Variants in SNTB2 observed in about 807,000 individuals in gnomAD.
SNTB2 encodes beta-2-syntrophin.
In SNTB2, 34 loss-of-function variants were observed where a neutral mutation model predicts 46.2. That is an observed-to-expected ratio of 0.74 (90% CI 0.56 to 0.98). The LOEUF (loss-of-function observed/expected upper bound fraction) is 0.98. Ranked by LOEUF, SNTB2 falls within the 50% of genes least tolerant of loss-of-function variation. The pLI is 0.00. For missense variants in SNTB2, 603 were observed against 731.4 expected, an observed-to-expected ratio of 0.82 and a Z score of 2.02; for synonymous variants, 290 against 312.6, an observed-to-expected ratio of 0.93 and a Z score of 0.76.
intron 1 of SNTB2, among the ~76,000 whole-genome samples, chr16:69,188,998 AG>A (rs1319533107): frequency 6.6e-6 from 1 of 152,172 alleles, no homozygotes; most frequent in Non-Finnish European, 1.5e-5. Flanking sequence ...GAAGGACAGA[AG>A]GGAAGGGCTG....
chr16:69,242,529 T>C (rs1964627698), intron 1 of SNTB2, among the ~76,000 whole-genome samples: 2 of 152,208 alleles, frequency 1.3e-5, no homozygotes, highest in Non-Finnish European at 2.9e-5. Flanking sequence ...AAATTTTAAA[T>C]ATACAGAACA....
chr16:69,232,502 CTTTTTTTT>C (rs1032986410), intron 1 of SNTB2, among the ~76,000 whole-genome samples: 3 of 63,860 alleles, frequency 4.7e-5, no homozygotes, highest in Non-Finnish European at 9.0e-5. Flanking sequence ...ACGGTGCGGC[CTTTTTTTT>C]TTTTTTTTTT....
chr16:69,298,713 G>A (rs1056108105), intron 5 of SNTB2, among the ~76,000 whole-genome samples: 17 of 151,664 alleles, frequency 1.1e-4, no homozygotes, highest in Non-Finnish European at 2.4e-4. Flanking sequence ...GTAGAGACGG[G>A]GTTTCGCCAT....
chr16:69,202,396 G>A (rs1964171857), intron 1 of SNTB2, among the ~76,000 whole-genome samples: 1 of 148,256 alleles, frequency 6.7e-6, no homozygotes, highest in Non-Finnish European at 1.5e-5. Context: ...TTTATGAACT[G>A]TTAGAATTTT....
chr16:69,291,135 G>T (rs1455163195), intron 5 of SNTB2, among the ~76,000 whole-genome samples: 1 of 152,172 alleles, frequency 6.6e-6, no homozygotes, highest in Non-Finnish European at 1.5e-5. Context: ...TGATGGGCTG[G>T]CTTTTCCTAT....
intron 5 of SNTB2, among the ~76,000 whole-genome samples, chr16:69,298,499 A>C (rs1203300076): frequency 1.5e-5 from 2 of 136,104 alleles, no homozygotes; most frequent in African/African-American, 2.8e-5. Flanking sequence ...CTGCCTGTCC[A>C]GTTTTACCAA....
chr16:69,208,846 A>C (rs1018080293), intron 1 of SNTB2, among the ~76,000 whole-genome samples: 1 of 152,168 alleles, frequency 6.6e-6, no homozygotes, highest in African/African-American at 2.4e-5. Flanking sequence ...ATACAAAAAA[A>C]AAAAAATCTG....
chr16:69,192,440 C>T (rs566803024), intron 1 of SNTB2, among the ~76,000 whole-genome samples: 35 of 152,296 alleles, frequency 2.3e-4, no homozygotes, highest in African/African-American at 8.2e-4. Flanking sequence ...GTGTTACCCT[C>T]ATACTGTTCA....
rs891615706 is a variant in SNTB2, at chr16:69,305,143, T to C, written c.*4219T>C. 3 of 152,610 alleles carry C rather than the reference T, an allele frequency of 2.0e-5. No homozygotes were observed. Among genetic ancestry groups the C allele is most frequent in the Admixed American group, 6.5e-5 (1 of 15,282 alleles). 9.5% of individuals were successfully genotyped at this position (152,610 alleles called of 1,614,324 possible). Reference sequence around the variant, plus strand: ...ATTCCAGGTCTTCTTGCTTAACTTATATGCATGTGGATATATTTGTTTTCA... The same window carrying C: ...ATTCCAGGTCTTCTTGCTTAACTTACATGCATGTGGATATATTTGTTTTCA... On this transcript the variant is annotated 3_prime_UTR_variant, in exon 7 of 7. Transcript: ENST00000336278.
chr16:69,231,815 C>A (rs1402053810), intron 1 of SNTB2, among the ~76,000 whole-genome samples: 1 of 152,160 alleles, frequency 6.6e-6, no homozygotes, highest in Admixed American at 6.5e-5. Flanking sequence ...TTTCAAAATG[C>A]CAACTCAAGA....
intron 2 of SNTB2, among the ~76,000 whole-genome samples, chr16:69,257,086 G>T (rs554560477): frequency 6.1e-4 from 93 of 151,364 alleles, no homozygotes; most frequent in Non-Finnish European, 1.1e-3. Context: ...CAGGAGAATC[G>T]CTTGAACCCG....
In SNTB2 at chr16:69,299,597, G is replaced by A; in HGVS notation, c.1353G>A (p.Met451Ile). ...TTTGCTTTTCTTCAACAGGCTGCAT[G>A]TTAAATGGCCAAGAGGTGAGGCTTA... Reference protein sequence around the residue: ...ELIKEVSLGCMLNGQEVRLTI... With the variant: ...ELIKEVSLGCILNGQEVRLTI... Residue 451 changes from methionine to isoleucine, a missense_variant, in exon 6 of 7, where the codon ATG becomes ATA. Physicochemically the swap from Met to Ile is conservative, Grantham distance 10. Transcript: ENST00000336278. 1 of 1,613,524 alleles carries A rather than the reference G, an allele frequency of 6.2e-7. No homozygotes were observed. Among genetic ancestry groups the A allele is most frequent in the Non-Finnish European group, 8.5e-7 (1 of 1,179,736 alleles).
intron 5 of SNTB2, among the ~76,000 whole-genome samples, chr16:69,287,553 G>C (rs1173630301): frequency 1.3e-5 from 2 of 152,078 alleles, no homozygotes; most frequent in Non-Finnish European, 2.9e-5. Flanking sequence ...CTGGGAGATA[G>C]AGTGAGACTG....
rs1390794629 is a variant in SNTB2, at chr16:69,307,855, G to A, written c.*6931G>A. The A allele has an allele frequency of 6.6e-6, 1 of 151,790 alleles. No individual in the cohort carries two copies. Among genetic ancestry groups the A allele is most frequent in the Non-Finnish European group, 1.5e-5 (1 of 67,988 alleles). 9.4% of individuals were successfully genotyped at this position (151,790 alleles called of 1,614,324 possible). ...AATTAACAAAATTTCACTTATTCCA[G>A]GACACGCTGGCATTTGGACTCAATG... On this transcript the variant is annotated 3_prime_UTR_variant, in exon 7 of 7. Coordinates refer to ENST00000336278, the MANE Select transcript of SNTB2 (RefSeq NM_006750.4).
At chr16:69,251,468 T>TAAAAA (rs71148976) in intron 2 of SNTB2, among the ~76,000 whole-genome samples, 1 of 106,122 alleles carries the variant, frequency 9.4e-6, no homozygotes, top group Non-Finnish European at 1.9e-5. Flanking sequence ...ATGTTTAGTT[T>TAAAAA]AAAAAAAAAA....
At chr16:69,187,854 C>T (rs997637492) in intron 1 of SNTB2, 108 bp downstream of exon 1, 3 of 912,106 alleles carry the variant, frequency 3.3e-6, no homozygotes, top group Admixed American at 4.2e-5. Context: ...CTCCCCGTCT[C>T]TCTCCAAACC....
intron 3 of SNTB2, among the ~76,000 whole-genome samples, chr16:69,265,697 G>A (rs755720478): frequency 1.6e-4 from 25 of 151,654 alleles, no homozygotes; most frequent in Non-Finnish European, 2.9e-4. Flanking sequence ...CGTGGTGGCG[G>A]GCACCTGTAA....
chr16:69,215,306 G>T (rs1281006388), intron 1 of SNTB2, among the ~76,000 whole-genome samples: 1 of 152,126 alleles, frequency 6.6e-6, no homozygotes, highest in Non-Finnish European at 1.5e-5. Flanking sequence ...GATCCCTTGA[G>T]CCCAGGAATT....
At chr16:69,249,173 A>C (rs1413634262) in intron 2 of SNTB2, among the ~76,000 whole-genome samples, 1 of 151,894 alleles carries the variant, frequency 6.6e-6, no homozygotes, top group East Asian at 1.9e-4. Context: ...CTGCAGGTGC[A>C]TGCCACTGTG....
Sources: gnomAD v4.1 joint callset for allele counts (sites outside exome capture counted in the v4.1 genomes callset) on GRCh38, gnomAD v4.1.1 for gene constraint, MANE v1.5 for transcripts, NCBI Gene and HGNC (gene_info 2026-07-23, HGNC 2026-07-21) for gene names.